SH3TC2: variants seen among roughly 807,000 people sequenced by gnomAD.
The protein encoded by SH3TC2 is SH3 domain and tetratricopeptide repeats 2.
In SH3TC2, 87 loss-of-function variants were observed where a neutral mutation model predicts 124.5. That is an observed-to-expected ratio of 0.70 (90% CI 0.59 to 0.84). The LOEUF (loss-of-function observed/expected upper bound fraction) is 0.84, where lower values mean the gene tolerates loss of function less well. Among genes scored for constraint, SH3TC2 ranks in the 40% least tolerant of loss-of-function variants. The pLI is 0.00. For missense variants in SH3TC2, 1,536 were observed against 1,566.4 expected (o/e 0.98, Z 0.33); for synonymous variants, 634 against 628.5 (o/e 1.01, Z -0.13).
intron 3 of SH3TC2, chr5:149,047,483 T>G: frequency 3.6e-6 from 1 of 279,708 alleles, no homozygotes; most frequent in Non-Finnish European, 7.0e-6. Context: ...AATTTTATGT[T>G]ATGTATATTG....
rs530551992 is a variant in SH3TC2, at chr5:148,990,728, T to C, written c.*13983A>G. Among the ~76,000 whole-genome samples the C allele has an allele frequency of 5.3e-5, 8 of 152,352 alleles. No homozygotes were observed. The highest frequency in any genetic ancestry group is 1.7e-4 in the African/African-American group (7 of 41,576). ...ATTTAATCCAATGCTTTATACACCA[T>C]AAATGCTCAGTAAACATTAGCTGTG... On this transcript the variant is annotated 3_prime_UTR_variant, in exon 17 of 17. Transcript: ENST00000515425.
At chr5:149,017,272 T>A (rs1163260838) in intron 12 of SH3TC2, among the ~76,000 whole-genome samples, 1 of 152,194 alleles carries the variant, frequency 6.6e-6, no homozygotes, top group Non-Finnish European at 1.5e-5. Context: ...CACAGAGTTC[T>A]CATGGACCCC....
Position 149,002,911 on chromosome 5 carries a change from G to C in SH3TC2, c.*1800C>G, listed in dbSNP as rs898021860. On this transcript the variant is annotated 3_prime_UTR_variant, in exon 17 of 17. Coordinates refer to ENST00000515425, the MANE Select transcript of SH3TC2 (RefSeq NM_024577.4). Reference sequence around the variant, plus strand: ...TATCTGAGGGCTCTTGCCCTGCAGTGGTGCTTCCCATACTTTAGGGTGCAT... The same window carrying C: ...TATCTGAGGGCTCTTGCCCTGCAGTCGTGCTTCCCATACTTTAGGGTGCAT... 4.6e-5 allele frequency: 7 copies of C among 152,734 alleles called. No homozygotes were observed. The highest frequency in any genetic ancestry group is 7.3e-5 in the Non-Finnish European group (5 of 68,028). 9.5% of individuals were successfully genotyped at this position (152,734 alleles called of 1,614,324 possible). A position where few individuals can be genotyped will look rare whatever the true frequency, so the allele number is the denominator to read the frequency against.
chr5:149,026,941 C>T lies in SH3TC2; in HGVS notation c.2791G>A (p.Val931Met). 1 of 1,614,182 alleles carries T rather than the reference C, an allele frequency of 6.2e-7. No individual in the cohort carries two copies. Among genetic ancestry groups the T allele is most frequent in the Non-Finnish European group, 8.5e-7 (1 of 1,180,032 alleles). ...QVFLWLAQVL[V>M]SGHQLTHGLL... ...CCATGGGTCAGCTGGTGTCCAGACACCAGAACTTGGGCCAACCAGAGAAAC... is the reference window on the plus strand; with the variant it reads ...CCATGGGTCAGCTGGTGTCCAGACATCAGAACTTGGGCCAACCAGAGAAAC... The change falls in exon 11 of 17, where the codon GTG (valine) becomes ATG (methionine). Residue 931 changes from valine (V) to methionine (M), a missense_variant. Around this residue, in one of 3 missense-constraint regions of SH3TC2, gnomAD observed 426 missense variants for 443.5 expected, o/e 0.96. Transcript: ENST00000515425.
In SH3TC2 at chr5:148,982,390, A is replaced by G. The variant is rs1479039410; in HGVS notation, c.*22321T>C. Among the ~76,000 whole-genome samples the G allele has an allele frequency of 2.0e-5, 3 of 152,214 alleles. No homozygotes were observed. On this transcript the variant is annotated 3_prime_UTR_variant, in exon 17 of 17. Coordinates refer to ENST00000515425, the MANE Select transcript of SH3TC2 (RefSeq NM_024577.4). ...GTATTCTGCTATTTCACTTTTGTGG[A>G]ATTTTTCCTACATATATAATCACAA... is the stretch of plus-strand genomic sequence containing the variant.
rs755553435 is a variant in SH3TC2 at position 149,004,759 on chromosome 5, G to A, written c.3819C>T (p.Cys1273=). The change falls in exon 17 of 17, where the codon TGC becomes TGT. Residue 1273 remains cysteine (C), a synonymous_variant. Coordinates refer to ENST00000515425, the MANE Select transcript of SH3TC2 (RefSeq NM_024577.4). Reference sequence around the variant, plus strand: ...TCAGCCACCGCGCCCTCTCTGAGGAGCACCCGGAGGGCCTGCTGTGCCACA... The same window carrying A: ...TCAGCCACCGCGCCCTCTCTGAGGAACACCCGGAGGGCCTGCTGTGCCACA... ...SPLWHSRPSG[C]SSERARWLSG... 8.1e-6 allele frequency: 13 copies of A among 1,613,934 alleles called. No homozygotes were observed. In the East Asian group the frequency reaches 2.9e-4, roughly 36 times the overall value.
At chr5:149,033,348 A>G (rs1229693543) in intron 8 of SH3TC2, among the ~76,000 whole-genome samples, 1 of 152,218 alleles carries the variant, frequency 6.6e-6, no homozygotes, top group Non-Finnish European at 1.5e-5. Context: ...ATGGCAGGTT[A>G]AAGGGCTCTA....
chr5:149,004,026 A>C lies in SH3TC2; in HGVS notation c.*685T>G. 5.2e-6 allele frequency: 1 copy of C among 192,896 alleles called. No homozygotes were observed. Among genetic ancestry groups the C allele is most frequent in the Admixed American group, 5.8e-5 (1 of 17,344 alleles). 11.9% of individuals were successfully genotyped at this position (192,896 alleles called of 1,614,324 possible). A position where few individuals can be genotyped will look rare whatever the true frequency, so the allele number is the denominator to read the frequency against. On this transcript the variant is annotated 3_prime_UTR_variant, in exon 17 of 17. Transcript: ENST00000515425. The stretch of plus-strand genomic sequence containing the variant: ...TATGTCATAATTTTCTTAACATTCA[A>C]TTTCCAAGCCTTTGCTCTTGGAAAG...
In SH3TC2 at chr5:148,982,357, T is replaced by C. The variant is rs911894546; in HGVS notation, c.*22354A>G. Among the ~76,000 whole-genome samples the C allele has an allele frequency of 6.6e-6, 1 of 152,222 alleles. No homozygotes were observed. Among genetic ancestry groups the C allele is most frequent in the African/African-American group, 2.4e-5 (1 of 41,450 alleles). On this transcript the variant is annotated 3_prime_UTR_variant, in exon 17 of 17. Coordinates refer to ENST00000515425, the MANE Select transcript of SH3TC2 (RefSeq NM_024577.4). ...CGTCTATCAAAACAACAAATGCATA[T>C]GCCCTTAGTATTCTGCTATTTCACT...
At chr5:149,052,369 G>A (rs1467829436) in intron 1 of SH3TC2, 129 bp from the exon 2 acceptor site, 7 of 714,290 alleles carry the variant, frequency 9.8e-6, no homozygotes, top group South Asian at 5.9e-5. Context: ...AATTCTAATT[G>A]TTATCACCAT....
Position 149,001,557 on chromosome 5 carries a change from T to C in SH3TC2, c.*3154A>G, listed in dbSNP as rs997973866. ...TCATGAAAAAAAGACAGCATCAACA[T>C]GTTTCCAAAGGGAATAGCTGGCCCA... On this transcript the variant is annotated 3_prime_UTR_variant, in exon 17 of 17. Coordinates refer to ENST00000515425, the MANE Select transcript of SH3TC2 (RefSeq NM_024577.4). The C allele has an allele frequency of 6.6e-6, 1 of 152,208 alleles. No homozygotes were observed. The highest frequency in any genetic ancestry group is 1.5e-5 in the Non-Finnish European group (1 of 68,032). The allele number at this position is 152,208 out of a possible 1,614,324, so 9.4% of individuals were successfully genotyped here.
Position 149,011,263 on chromosome 5 carries a change from T to TG in SH3TC2, c.3205-872dup, listed in dbSNP as rs74534790. On this transcript the variant is annotated intron_variant, in intron 13 of 16. Coordinates refer to ENST00000515425, the MANE Select transcript of SH3TC2 (RefSeq NM_024577.4). ...CATCACTGGGGCAAGATGCTGCAGT[T>TG]GCTGTGTTATTGCATGGGCAGCTAC... Among the ~76,000 whole-genome samples the TG allele has an allele frequency of 2.0e-3, 310 of 152,328 alleles. 12 individuals carry two copies. In the East Asian group the frequency reaches 0.052, roughly 25 times the overall value.
intron 1 of SH3TC2, among the ~76,000 whole-genome samples, chr5:149,055,516 C>T (rs1437061304): frequency 6.6e-6 from 1 of 151,638 alleles, no homozygotes; most frequent in Non-Finnish European, 1.5e-5. Context: ...ACAGATAAAG[C>T]CAAGTGTTTG....
rs150317192 is a variant in SH3TC2 at position 148,991,904 on chromosome 5, C to T, written c.*12807G>A. Among the ~76,000 whole-genome samples, 1,240 of 152,272 alleles carry T rather than the reference C, an allele frequency of 8.1e-3. 8 individuals carry two copies. The highest frequency in any genetic ancestry group is 0.013 in the Non-Finnish European group (910 of 68,012). On this transcript the variant is annotated 3_prime_UTR_variant, in exon 17 of 17. Coordinates refer to ENST00000515425, the MANE Select transcript of SH3TC2 (RefSeq NM_024577.4). Reference sequence around the variant, plus strand: ...CTGGAAGCTGGTATGCTGATGATGTCATGGTGGCTCAACTTTCCTGGTGTC... The same window carrying T: ...CTGGAAGCTGGTATGCTGATGATGTTATGGTGGCTCAACTTTCCTGGTGTC...
chr5:149,008,675 A>C, intron 15 of SH3TC2, 176 bp downstream of exon 15: 2 of 808,476 alleles, frequency 2.5e-6, no homozygotes. Flanking sequence ...TGGTGATGAC[A>C]AGCTTGAGGC....
chr5:149,057,706 C>A (rs1365928930), intron 1 of SH3TC2: 1 of 152,180 alleles, frequency 6.6e-6, no homozygotes, highest in African/African-American at 2.4e-5. Context: ...TGTTTTCTAA[C>A]ACTGAAGGCA....
chr5:149,012,635 C>T lies in SH3TC2; in HGVS notation c.3153G>A (p.Gly1051=). The T allele has an allele frequency of 6.2e-7, 1 of 1,614,180 alleles. No individual in the cohort carries two copies. Among genetic ancestry groups the T allele is most frequent in the Non-Finnish European group, 8.5e-7 (1 of 1,180,028 alleles). The change falls in exon 13 of 17, where the codon GGG becomes GGA. Residue 1051 remains glycine, a synonymous_variant. Transcript: ENST00000515425. ...CTTCCTGCATGAGGTAGTGGAGTCGCCCCGCCCCAAGCCAGGCCTCAGCAG... is the reference window on the plus strand; with the variant it reads ...CTTCCTGCATGAGGTAGTGGAGTCGTCCCGCCCCAAGCCAGGCCTCAGCAG... ...DKAAEAWLGA[G]RLHYLMQEDE...
intron 7 of SH3TC2, 145 bp downstream of exon 7, chr5:149,040,459 C>G (rs918724287): frequency 2.7e-6 from 2 of 754,088 alleles, no homozygotes; most frequent in South Asian, 1.5e-5. Context: ...ACCATGTGCA[C>G]AGACAGAAAC....
chr5:149,016,167 C>T (rs2127394211), intron 12 of SH3TC2, among the ~76,000 whole-genome samples: 1 of 152,186 alleles, frequency 6.6e-6, no homozygotes, highest in East Asian at 1.9e-4. Context: ...CCCAAGAGAT[C>T]AGTACTATTA....
Sources: gnomAD v4.1 joint callset for allele counts (sites outside exome capture counted in the v4.1 genomes callset) on GRCh38, gnomAD v4.1.1 for gene constraint, gnomAD v4.1.1 regional missense constraint, MANE v1.5 for transcripts, NCBI Gene and HGNC (gene_info 2026-07-23, HGNC 2026-07-21) for gene names.